PRDM16: variants seen among roughly 807,000 people sequenced by gnomAD.
PRDM16 encodes PR/SET domain 16.
In PRDM16, 23 loss-of-function variants were observed where a neutral mutation model predicts 110.6. That is an observed-to-expected ratio of 0.21 (90% CI 0.15 to 0.29). The LOEUF (loss-of-function observed/expected upper bound fraction) is 0.29, where lower values mean the gene tolerates loss of function less well. PRDM16 is among the 10% of genes least tolerant of loss of function. The probability of loss-of-function intolerance (pLI) is 1.00; values close to 1 mark genes in which losing one functional copy is unlikely to be tolerated. For synonymous variants in PRDM16, 799 were observed against 781.8 expected (o/e 1.02, Z -0.37); for missense variants, 1,615 against 1,794.3 (o/e 0.90, Z 1.81).
chr1:3,091,262 C>T (rs1015981465), intron 1 of PRDM16, among the ~76,000 whole-genome samples: 6 of 152,156 alleles, frequency 3.9e-5, no homozygotes, highest in South Asian at 2.1e-4. Context: ...CCAGGGTATG[C>T]GGATGGGGAA....
chr1:3,229,632 C>T (rs1639362603), intron 2 of PRDM16, among the ~76,000 whole-genome samples: 1 of 152,210 alleles, frequency 6.6e-6, no homozygotes, highest in Non-Finnish European at 1.5e-5. Context: ...CAGCCACTTG[C>T]AGCCCATGAG....
At chr1:3,178,274 A>G (rs1644112101) in intron 1 of PRDM16, among the ~76,000 whole-genome samples, 1 of 152,180 alleles carries the variant, frequency 6.6e-6, no homozygotes, top group Admixed American at 6.5e-5. Flanking sequence ...CCACATCTAC[A>G]CAGACAGGTA....
chr1:3,303,808 G>T (rs60484261), intron 3 of PRDM16, among the ~76,000 whole-genome samples: 1 of 144,310 alleles, frequency 6.9e-6, no homozygotes, highest in African/African-American at 2.8e-5. Context: ...GCTGGGGAGC[G>T]CAGGAGGCCG....
At chr1:3,398,870 G>A (rs373792692) in intron 5 of PRDM16, among the ~76,000 whole-genome samples, 1 of 152,204 alleles carries the variant, frequency 6.6e-6, no homozygotes, top group East Asian at 1.9e-4. Context: ...TGGGAGAAGA[G>A]GGCTTGGCTG....
chr1:3,166,613 G>A (rs559851349), intron 1 of PRDM16, among the ~76,000 whole-genome samples: 2 of 152,190 alleles, frequency 1.3e-5, no homozygotes. Context: ...AGTAACCGCA[G>A]CCTCTTCTCA....
At position 3,206,843 on chromosome 1, in the gene PRDM16, C is replaced by G. The variant is rs915598009; in HGVS notation, c.387+20369C>G. The G allele has an allele frequency of 6.6e-6, 1 of 152,298 alleles. No individual in the cohort carries two copies. The highest frequency in any genetic ancestry group is 1.9e-4 in the East Asian group (1 of 5,190). 9.4% of individuals were successfully genotyped at this position (152,298 alleles called of 1,614,324 possible). ...TCCGAGTTTTCTGCAGAGGGAGACA[C>G]AGCCTGACACCTGGGACCTGTGCAG... On this transcript the variant is annotated intron_variant, in intron 2 of 16. Transcript: ENST00000270722. The surrounding 1 kb of genome is among the most constrained non-coding windows in gnomAD (Gnocchi z 4.9).
intron 2 of PRDM16, among the ~76,000 whole-genome samples, chr1:3,225,052 G>A (rs16823551): frequency 0.036 from 5,492 of 152,210 alleles, 202 homozygotes; most frequent in East Asian, 0.12. Flanking sequence ...CCTTCATTAC[G>A]GTTCAGGTCT....
chr1:3,419,336 G>A (rs1017753840), intron 12 of PRDM16, among the ~76,000 whole-genome samples: 1 of 152,240 alleles, frequency 6.6e-6, no homozygotes, highest in African/African-American at 2.4e-5. Context: ...CATCTGAGGA[G>A]CCGGCTGGCA....
chr1:3,222,531 G>C (rs1175297745), intron 2 of PRDM16, among the ~76,000 whole-genome samples: 1 of 152,210 alleles, frequency 6.6e-6, no homozygotes, highest in Non-Finnish European at 1.5e-5. Flanking sequence ...AACCTGCGGG[G>C]CCCCTGCCAA....
chr1:3,403,867 C>T (rs1039614436), intron 6 of PRDM16, among the ~76,000 whole-genome samples: 4 of 152,230 alleles, frequency 2.6e-5, no homozygotes, highest in South Asian at 2.1e-4. Context: ...TGGGGATTAC[C>T]GCCCATCCCC....
rs564947932 is a variant in PRDM16, at chr1:3,382,430, A to G, written c.439-2722A>G. ...TTTAGGGACCAGGACCTCAAATGTC[A>G]AGGGATTTGCAGTCCTGCCTGGGGC... On this transcript the variant is annotated intron_variant, in intron 3 of 16. Coordinates refer to ENST00000270722, the MANE Select transcript of PRDM16 (RefSeq NM_022114.4). This position sits in a 1 kb window ranked among gnomAD's most constrained non-coding sequence, Gnocchi z 6.6. Among the ~76,000 whole-genome samples, 177 of 152,300 alleles carry G rather than the reference A, an allele frequency of 1.2e-3. No homozygotes were observed. Among genetic ancestry groups the G allele is most frequent in the African/African-American group, 4.0e-3 (166 of 41,562 alleles).
rs543315087 is a variant in PRDM16 at position 3,129,727 on chromosome 1, C to T, written c.38-56398C>T. ...CCTCTAGCACTGCCCAGACCCTGTA[C>T]GGAGCAGAAATCCCTGGAAGAGAAA... On this transcript the variant is annotated intron_variant, in intron 1 of 16. Coordinates refer to ENST00000270722, the MANE Select transcript of PRDM16 (RefSeq NM_022114.4). 7.5e-4 allele frequency among the ~76,000 whole-genome samples: 114 copies of T among 152,276 alleles called. 1 individual carries two copies. The highest frequency in any genetic ancestry group is 2.6e-3 in the African/African-American group (109 of 41,540).
At chr1:3,261,970 A>C (rs886560212) in intron 3 of PRDM16, among the ~76,000 whole-genome samples, 1 of 152,220 alleles carries the variant, frequency 6.6e-6, no homozygotes, top group Non-Finnish European at 1.5e-5. Context: ...TTTCTAAGCC[A>C]CCTGCTCTGC....
chr1:3,181,997 T>G (rs1644215664), intron 1 of PRDM16, among the ~76,000 whole-genome samples: 1 of 152,048 alleles, frequency 6.6e-6, no homozygotes, highest in East Asian at 1.9e-4. Flanking sequence ...ACACATGCAG[T>G]CACATGCTTA....
rs1643727843 is a variant in PRDM16, at chr1:3,148,933, T to A, written c.38-37192T>A. ...GGAGGAAATGTTGGAGGAGGGGCAG[T>A]GGGGAAGGGCTGGAGCCCAGCTCTA... is the stretch of plus-strand genomic sequence containing the variant. On this transcript the variant is annotated intron_variant, in intron 1 of 16. Transcript: ENST00000270722. This position sits in a 1 kb window ranked among gnomAD's most constrained non-coding sequence, Gnocchi z 5.0. 6.6e-6 allele frequency among the ~76,000 whole-genome samples: 1 copy of A among 152,104 alleles called. No homozygotes were observed. The highest frequency in any genetic ancestry group is 1.9e-4 in the East Asian group (1 of 5,188).
chr1:3,364,030 CG>C (rs908499684), intron 3 of PRDM16, among the ~76,000 whole-genome samples: 12 of 151,916 alleles, frequency 7.9e-5, no homozygotes, highest in South Asian at 2.1e-4. Flanking sequence ...ATTTTGTCTG[CG>C]GGGGGGAAGT....
intron 9 of PRDM16, among the ~76,000 whole-genome samples, chr1:3,413,635 G>A (rs1041007743): frequency 3.9e-5 from 6 of 152,174 alleles, no homozygotes; most frequent in Admixed American, 1.3e-4. Flanking sequence ...AAGCAAAAGC[G>A]GCCAGTCATA....
chr1:3,374,638 G>A (rs1054991982), intron 3 of PRDM16, among the ~76,000 whole-genome samples: 1 of 152,170 alleles, frequency 6.6e-6, no homozygotes, highest in African/African-American at 2.4e-5. Flanking sequence ...GAGACCCTCC[G>A]GAAGGGGGAG....
intron 12 of PRDM16, among the ~76,000 whole-genome samples, chr1:3,421,488 G>A (rs763506958): frequency 4.6e-5 from 7 of 152,134 alleles, no homozygotes; most frequent in Non-Finnish European, 8.8e-5. Context: ...TATTTACAAC[G>A]CAGACCCCAG....
Sources: gnomAD v4.1 joint callset for allele counts (sites outside exome capture counted in the v4.1 genomes callset) on GRCh38, gnomAD v4.1.1 for gene constraint, Gnocchi (gnomAD v3.1) non-coding constraint, MANE v1.5 for transcripts, NCBI Gene and HGNC (gene_info 2026-07-23, HGNC 2026-07-21) for gene names.